CADM2: variants seen among roughly 807,000 people sequenced by gnomAD.
The protein encoded by CADM2 is cell adhesion molecule 2.
CADM2 carries 12 observed loss-of-function variants against 49.8 expected under a neutral mutation model. That is an observed-to-expected ratio of 0.24 (90% CI 0.15 to 0.39). The LOEUF is 0.39. Ranked by LOEUF, CADM2 falls within the 10% of genes least tolerant of loss-of-function variation. CADM2 has a pLI of 1.00. For synonymous variants in CADM2, 214 were observed against 175.4 expected (o/e 1.22, Z -1.74); for missense variants, 378 against 492.3 (o/e 0.77, Z 2.20).
intron 6 of CADM2, among the ~76,000 whole-genome samples, chr3:85,923,050 C>T (rs537533050): frequency 6.6e-6 from 1 of 152,104 alleles, no homozygotes; most frequent in South Asian, 2.1e-4. Flanking sequence ...GTCTTGATCT[C>T]CTGACCTCAT....
intron 1 of CADM2, among the ~76,000 whole-genome samples, chr3:85,366,500 AT>A (rs1559802680): frequency 6.6e-6 from 1 of 152,166 alleles, no homozygotes; most frequent in Non-Finnish European, 1.5e-5. Flanking sequence ...GAGGCTTGTT[AT>A]TTGTGGTAAT....
chr3:84,974,584 T>TAG (rs2031688687), intron 1 of CADM2, among the ~76,000 whole-genome samples: 1 of 152,000 alleles, frequency 6.6e-6, no homozygotes, highest in Non-Finnish European at 1.5e-5. Context: ...AGTGACTTCT[T>TAG]TGGTCCTGTT....
intron 8 of CADM2, among the ~76,000 whole-genome samples, chr3:85,964,398 C>T (rs1212527557): frequency 6.6e-6 from 1 of 151,612 alleles, no homozygotes; most frequent in African/African-American, 2.4e-5. Context: ...TGAGCACTTT[C>T]CTGTGAAATC....
At chr3:85,532,325 G>C (rs1353018950) in intron 1 of CADM2, among the ~76,000 whole-genome samples, 1 of 152,138 alleles carries the variant, frequency 6.6e-6, no homozygotes, top group African/African-American at 2.4e-5. Flanking sequence ...TTTTTAAATT[G>C]AGAAAAGCAC....
intron 1 of CADM2, among the ~76,000 whole-genome samples, chr3:85,440,878 A>G (rs1269426518): frequency 6.6e-6 from 1 of 152,086 alleles, no homozygotes; most frequent in Non-Finnish European, 1.5e-5. Flanking sequence ...GTTATTTACG[A>G]GGCTGAGAGA....
chr3:85,730,869 G>T (rs1281502195), intron 2 of CADM2, among the ~76,000 whole-genome samples: 1 of 152,064 alleles, frequency 6.6e-6, no homozygotes, highest in Non-Finnish European at 1.5e-5. Flanking sequence ...TAGAATGCCA[G>T]CTTTTAGATA....
chr3:85,830,594 T>C (rs1026615442), intron 3 of CADM2, among the ~76,000 whole-genome samples: 20 of 151,804 alleles, frequency 1.3e-4, no homozygotes, highest in African/African-American at 4.6e-4. Context: ...AAATATTCAT[T>C]ATGAATACCA....
At chr3:85,204,414 T>C (rs908962935) in intron 1 of CADM2, among the ~76,000 whole-genome samples, 3 of 152,166 alleles carry the variant, frequency 2.0e-5, no homozygotes, top group African/African-American at 7.2e-5. Context: ...TTAGATCATT[T>C]CTTCCTGTAA....
At chr3:85,330,684 C>T (rs2044893837) in intron 1 of CADM2, among the ~76,000 whole-genome samples, 1 of 151,354 alleles carries the variant, frequency 6.6e-6, no homozygotes. Flanking sequence ...AGGCCAGGGG[C>T]AGTGGCTCAT....
At chr3:85,891,677 C>T (rs192981145) in intron 5 of CADM2, among the ~76,000 whole-genome samples, 139 of 152,224 alleles carry the variant, frequency 9.1e-4, no homozygotes, top group African/African-American at 2.1e-3. Flanking sequence ...GAATTGTTTA[C>T]GGGTGCCATG....
chr3:85,674,904 T>C (rs1248908569), intron 1 of CADM2, among the ~76,000 whole-genome samples: 1 of 152,136 alleles, frequency 6.6e-6, no homozygotes, highest in Non-Finnish European at 1.5e-5. Context: ...TGTTTGCTCT[T>C]TTTTCCTATA....
intron 1 of CADM2, among the ~76,000 whole-genome samples, chr3:85,053,698 G>A (rs776068315): frequency 6.6e-6 from 1 of 151,974 alleles, no homozygotes; most frequent in Non-Finnish European, 1.5e-5. Context: ...GTTTGGAATC[G>A]GAGAATTGTT....
At chr3:85,544,821 CA>C (rs200635237) in intron 1 of CADM2, among the ~76,000 whole-genome samples, 7 of 94,832 alleles carry the variant, frequency 7.4e-5, no homozygotes, top group Admixed American at 3.5e-4. Flanking sequence ...TACATGTGTT[CA>C]AAAAAAAAGA....
intron 1 of CADM2, among the ~76,000 whole-genome samples, chr3:85,544,371 G>A (rs1237018764): frequency 6.6e-6 from 1 of 152,156 alleles, no homozygotes; most frequent in Non-Finnish European, 1.5e-5. Context: ...GAGGTCAGGA[G>A]ATCGACACCA....
At chr3:85,082,275 T>C (rs972184484) in intron 1 of CADM2, among the ~76,000 whole-genome samples, 2 of 152,182 alleles carry the variant, frequency 1.3e-5, no homozygotes, top group African/African-American at 4.8e-5. Context: ...TAAATTGATA[T>C]GTACTTTGCT....
chr3:85,844,676 C>G (rs955107875), intron 3 of CADM2, among the ~76,000 whole-genome samples: 5 of 152,044 alleles, frequency 3.3e-5, no homozygotes, highest in East Asian at 1.9e-4. Flanking sequence ...AAATGTATAC[C>G]TCTAATTGTG....
chr3:85,701,783 T>C (rs1310741517), intron 1 of CADM2, among the ~76,000 whole-genome samples: 1 of 152,200 alleles, frequency 6.6e-6, no homozygotes, highest in Admixed American at 6.5e-5. Context: ...ACTTTCTTTA[T>C]GCATTTCCTT....
intron 1 of CADM2, among the ~76,000 whole-genome samples, chr3:85,339,419 CTT>C (rs1484212611): frequency 6.6e-6 from 1 of 151,380 alleles, no homozygotes; most frequent in Non-Finnish European, 1.5e-5. Flanking sequence ...TCTTTTTTTA[CTT>C]TCTCTAGTTT....
intron 1 of CADM2, among the ~76,000 whole-genome samples, chr3:85,599,664 A>G (rs1332599510): frequency 6.8e-6 from 1 of 147,588 alleles, no homozygotes; most frequent in Non-Finnish European, 1.5e-5. Flanking sequence ...CCTAAAAATC[A>G]CATGCTTTGA....
Sources: gnomAD v4.1 joint callset for allele counts (sites outside exome capture counted in the v4.1 genomes callset) on GRCh38, gnomAD v4.1.1 for gene constraint, MANE v1.5 for transcripts, NCBI Gene and HGNC (gene_info 2026-07-23, HGNC 2026-07-21) for gene names.